ACAN: variants seen among roughly 807,000 people sequenced by gnomAD.
ACAN encodes the protein aggrecan, also known as aggrecan core protein.
ACAN carries 47 observed loss-of-function variants against 169.1 expected under a neutral mutation model. The observed-to-expected ratio is 0.28, with a 90% CI of 0.22 to 0.35. ACAN has a LOEUF of 0.35. Ranked by LOEUF, ACAN falls within the 10% of genes least tolerant of loss-of-function variation. The pLI is 1.00. For synonymous variants in ACAN, 1,115 were observed against 1,112.2 expected, an observed-to-expected ratio of 1.00 and a Z score of -0.05; for missense variants, 2,716 against 2,759.9, an observed-to-expected ratio of 0.98 and a Z score of 0.36.
chr15:88,818,918 A>G (rs570497162), intron 1 of ACAN, among the ~76,000 whole-genome samples: 25 of 152,386 alleles, frequency 1.6e-4, no homozygotes, highest in African/African-American at 5.0e-4. Context: ...ATTTTATGTT[A>G]TGTATATTTT....
At position 88,841,796 on chromosome 15, in the gene ACAN, G is replaced by A. The variant is rs1413857102; in HGVS notation, c.686G>A (p.Gly229Asp). Residue 229 changes from glycine (G) to aspartate (D), a missense_variant, in exon 5 of 19, where the codon GGT (glycine) becomes GAT (aspartate). By Grantham distance (94) the Gly-to-Asp change is moderately conservative. Coordinates refer to ENST00000560601, the MANE Select transcript of ACAN (RefSeq NM_001369268.1). ...TATGGAGACAAGGATGAGTTTCCTG[G>A]TGTGAGGACGTATGGCATCCGAGAC... is the stretch of plus-strand genomic sequence containing the variant. ...GCYGDKDEFP[G>D]VRTYGIRDTN... 1 of 1,613,560 alleles carries A rather than the reference G, an allele frequency of 6.2e-7. No individual in the cohort carries two copies.
At chr15:88,830,389 T>C (rs1596124457) in intron 1 of ACAN, among the ~76,000 whole-genome samples, 1 of 152,338 alleles carries the variant, frequency 6.6e-6, no homozygotes, top group South Asian at 2.1e-4. Flanking sequence ...TCCAGCAACA[T>C]GTGCAGTGGA....
rs568957344 is a variant in ACAN, at chr15:88,834,935, A to T, written c.-7-1265A>T. Among the ~76,000 whole-genome samples, 528 of 152,234 alleles carry T rather than the reference A, an allele frequency of 3.5e-3. 4 individuals are homozygous for T. The highest frequency in any genetic ancestry group is 0.012 in the African/African-American group (510 of 41,534). On this transcript the variant is annotated intron_variant, in intron 1 of 18. Coordinates refer to ENST00000560601, the MANE Select transcript of ACAN (RefSeq NM_001369268.1). ...CATTCTCTTGGGTCTTCTTGGGTCC[A>T]CCTATGCTGGAGTCAGGGTTCCAAT...
intron 1 of ACAN, among the ~76,000 whole-genome samples, chr15:88,817,405 G>A (rs996324878): frequency 6.6e-6 from 1 of 152,118 alleles, no homozygotes; most frequent in Admixed American, 6.5e-5. Context: ...GCCTCCCAAA[G>A]TGCTGGGATT....
rs763625048 is a variant in ACAN at position 88,841,907 on chromosome 15, C to A, written c.757+40C>A. On this transcript the variant is annotated intron_variant, in intron 5 of 18. Transcript: ENST00000560601. ...CCACCAGGAGGCACCCAGCTCCCTT[C>A]CCAAGGCCACCTTCCCCTCCCCATC... 3 of 1,610,972 alleles carry A rather than the reference C, an allele frequency of 1.9e-6. No homozygotes were observed. The South Asian group carries it at 3.3e-5, about 18-fold the overall frequency.
At chr15:88,813,903 T>C (rs1895879115) in intron 1 of ACAN, among the ~76,000 whole-genome samples, 2 of 152,230 alleles carry the variant, frequency 1.3e-5, no homozygotes, top group Admixed American at 1.3e-4. Flanking sequence ...TCCAGCTCCA[T>C]GCCCTGGGGA....
intron 1 of ACAN, among the ~76,000 whole-genome samples, chr15:88,805,953 C>T (rs926086603): frequency 1.3e-5 from 2 of 152,176 alleles, no homozygotes; most frequent in African/African-American, 2.4e-5. Context: ...TATGCCCCCT[C>T]CCCAATTAGA....
At chr15:88,828,841 C>T (rs1896290716) in intron 1 of ACAN, among the ~76,000 whole-genome samples, 1 of 152,192 alleles carries the variant, frequency 6.6e-6, no homozygotes. Context: ...CCATTTTAGT[C>T]AGGGCCAAGG....
chr15:88,863,865 CTGAT>C (rs901291637), intron 13 of ACAN, among the ~76,000 whole-genome samples: 17 of 152,306 alleles, frequency 1.1e-4, no homozygotes, highest in African/African-American at 3.8e-4. Context: ...TAACAGGCAA[CTGAT>C]TGATTTAAGA....
intron 1 of ACAN, among the ~76,000 whole-genome samples, chr15:88,806,271 C>T (rs1596107814): frequency 6.6e-6 from 1 of 152,156 alleles, no homozygotes; most frequent in East Asian, 1.9e-4. Flanking sequence ...CCTTGTGGGT[C>T]ACAAACCCCA....
At chr15:88,845,380 A>G (rs1896765997) in intron 6 of ACAN, 125 bp from the exon 7 acceptor site, 1 of 1,391,520 alleles carries the variant, frequency 7.2e-7, no homozygotes, top group Non-Finnish European at 9.6e-7. Context: ...TGCCTGGCAC[A>G]CAGTGGTGCC....
At position 88,870,923 on chromosome 15, in the gene ACAN, C is replaced by T. The variant is rs916764454; in HGVS notation, c.7061-459C>T. Among the ~76,000 whole-genome samples the T allele has an allele frequency of 1.3e-5, 2 of 152,214 alleles. No individual in the cohort carries two copies. The highest frequency in any genetic ancestry group is 2.1e-4 in the South Asian group (1 of 4,838). Reference sequence around the variant, plus strand: ...TGCAGGAAGGAAACTGCCAGCTCCGCTCCATGCCCCAGCGCTACCAGCTTC... The same window carrying T: ...TGCAGGAAGGAAACTGCCAGCTCCGTTCCATGCCCCAGCGCTACCAGCTTC... On this transcript the variant is annotated intron_variant, in intron 14 of 18. Transcript: ENST00000560601. The surrounding 1 kb of genome is among the most constrained non-coding windows in gnomAD (Gnocchi z 6.3).
chr15:88,812,093 G>A (rs1895835260), intron 1 of ACAN, among the ~76,000 whole-genome samples: 1 of 152,162 alleles, frequency 6.6e-6, no homozygotes, highest in South Asian at 2.1e-4. Flanking sequence ...AGTGGGGATG[G>A]CTTCATTAGC....
rs139604781 is a variant in ACAN at position 88,832,048 on chromosome 15, C to T, written c.-7-4152C>T. Among the ~76,000 whole-genome samples, 5 of 152,072 alleles carry T rather than the reference C, an allele frequency of 3.3e-5. No homozygotes were observed. In the East Asian group the frequency reaches 7.7e-4, roughly 24 times the overall value. On this transcript the variant is annotated intron_variant, in intron 1 of 18. Coordinates refer to ENST00000560601, the MANE Select transcript of ACAN (RefSeq NM_001369268.1). ...ACTCAATCTTGAAAGTTCTTGAGTA[C>T]AATTGGAGCTGCTCAGCCAAGGAAT...
intron 1 of ACAN, among the ~76,000 whole-genome samples, chr15:88,834,603 C>A (rs1281793543): frequency 1.3e-5 from 2 of 152,240 alleles, no homozygotes; most frequent in Non-Finnish European, 2.9e-5. Context: ...AGTCCCAGAT[C>A]CTCCATCCGC....
rs755711069 is a variant in ACAN at position 88,824,044 on chromosome 15, G to A, written c.-7-12156G>A. 7.9e-5 allele frequency among the ~76,000 whole-genome samples: 12 copies of A among 152,130 alleles called. 1 individual carries two copies. Among genetic ancestry groups the A allele is most frequent in the Non-Finnish European group, 1.6e-4 (11 of 68,032 alleles). On this transcript the variant is annotated intron_variant, in intron 1 of 18. Coordinates refer to ENST00000560601, the MANE Select transcript of ACAN (RefSeq NM_001369268.1). Reference sequence around the variant, plus strand: ...ATCGGTCTTAAGATTAACAGTCCTGGCCGGGCGCAGTGGCTCACGCCTGTA... The same window carrying A: ...ATCGGTCTTAAGATTAACAGTCCTGACCGGGCGCAGTGGCTCACGCCTGTA...
In ACAN at chr15:88,871,064, G is replaced by T. The variant is rs1879529; in HGVS notation, c.7061-318G>T. 0.28 allele frequency among the ~76,000 whole-genome samples: 41,935 copies of T among 151,966 alleles called. 5,916 individuals are homozygous for T. The highest frequency in any genetic ancestry group is 0.32 in the African/African-American group (13,325 of 41,460). On this transcript the variant is annotated intron_variant, in intron 14 of 18. Coordinates refer to ENST00000560601, the MANE Select transcript of ACAN (RefSeq NM_001369268.1). This position sits in a 1 kb window ranked among gnomAD's most constrained non-coding sequence, Gnocchi z 7.8. The stretch of plus-strand genomic sequence containing the variant: ...GACCTCTCACCTTCCCACCTCTTTT[G>T]AACTGGACTGCTGACCTCTGCCGGC...
rs1317151999 is a variant in ACAN, at chr15:88,845,518, G to A, written c.1065G>A (p.Val355=). 1.2e-6 allele frequency: 2 copies of A among 1,608,112 alleles called. No individual in the cohort carries two copies. The highest frequency in any genetic ancestry group is 8.5e-7 in the Non-Finnish European group (1 of 1,175,746). ...DAICYTGEDF[V]DIPENFFGVG... ...CCCCTCCCCTAGGTGAAGACTTTGT[G>A]GACATCCCAGAAAACTTCTTTGGAG... The change falls in exon 7 of 19, where the codon GTG becomes GTA. Residue 355 remains valine (V), a synonymous_variant. Coordinates refer to ENST00000560601, the MANE Select transcript of ACAN (RefSeq NM_001369268.1).
rs77218095 is a variant in ACAN, at chr15:88,867,675, G to A, written c.6947-541G>A. 9.9e-3 allele frequency among the ~76,000 whole-genome samples: 1,500 copies of A among 151,872 alleles called. 18 individuals carry two copies. Among genetic ancestry groups the A allele is most frequent in the African/African-American group, 0.033 (1,375 of 41,376 alleles). ...CATCCCATGCTGCCATTTTCATATG[G>A]ATCTACACTCTTCAGACCATTTCGA... is the stretch of plus-strand genomic sequence containing the variant. On this transcript the variant is annotated intron_variant, in intron 13 of 18. Coordinates refer to ENST00000560601, the MANE Select transcript of ACAN (RefSeq NM_001369268.1).
Sources: allele counts gnomAD v4.1 joint callset (sites outside exome capture counted in the v4.1 genomes callset), GRCh38; gene constraint gnomAD v4.1.1; non-coding constraint Gnocchi (gnomAD v3.1); transcripts MANE v1.5; gene names NCBI Gene and HGNC (gene_info 2026-07-23, HGNC 2026-07-21).